The following DMD variants were observed in gnomAD, a reference collection of about 807,000 sequenced individuals.
DMD encodes dystrophin.
In DMD, 63 loss-of-function variants were observed where a neutral mutation model predicts 330.1. The ratio of observed to expected loss-of-function variants is 0.19; its 90% CI spans 0.16 to 0.24. DMD has a LOEUF of 0.24. Among genes scored for constraint, DMD ranks in the 10% least tolerant of loss-of-function variants. DMD has a pLI of 1.00. For synonymous variants in DMD, 1,223 were observed against 959.8 expected, an observed-to-expected ratio of 1.27 and a Z score of -5.07; for missense variants, 3,344 against 2,684.1, an observed-to-expected ratio of 1.25 and a Z score of -5.43.
chrX:32,279,007 C>T (rs1356450816), intron 43 of DMD, among the ~76,000 whole-genome samples: 1 of 111,492 alleles, frequency 9.0e-6, no homozygotes, highest in Non-Finnish European at 1.9e-5. Flanking sequence ...ACAAAAGATT[C>T]GAATAGGCAT....
At chrX:32,013,415 A>G (rs903284866) in intron 44 of DMD, among the ~76,000 whole-genome samples, 2 of 111,229 alleles carry the variant, frequency 1.8e-5, no homozygotes, top group Non-Finnish European at 1.9e-5. Flanking sequence ...ATAAATGCAA[A>G]TCGTACTTCA....
At chrX:31,727,645 G>T (rs1309386986) in intron 52 of DMD, among the ~76,000 whole-genome samples, 2 of 111,932 alleles carry the variant, frequency 1.8e-5, no homozygotes, top group African/African-American at 6.5e-5. Context: ...TGCTTATTTT[G>T]GACTGCACTA....
intron 11 of DMD, among the ~76,000 whole-genome samples, chrX:32,628,714 CG>C (rs1203005668): frequency 9.0e-6 from 1 of 110,564 alleles, no homozygotes; most frequent in East Asian, 2.8e-4. Context: ...GGTTACATTG[CG>C]TTTCCTTTTT....
At chrX:32,644,805 C>T (rs1484689766) in intron 10 of DMD, among the ~76,000 whole-genome samples, 159 bp downstream of exon 10, 1 of 111,728 alleles carries the variant, frequency 9.0e-6, no homozygotes, top group African/African-American at 3.3e-5. Flanking sequence ...GGTTGCTCTC[C>T]AAAAGAAAAC....
Position 31,123,596 on chromosome X carries a change from C to A in DMD, c.11047-1666G>T, listed in dbSNP as rs182461543. On this transcript the variant is annotated intron_variant, in intron 78 of 78. Transcript: ENST00000357033. ...CCTGTATCTATTTTTGGCTGTCCAG[C>A]AACCCTGGGAAATCTGCATAATTAT... Among the ~76,000 whole-genome samples the A allele has an allele frequency of 1.5e-3, 164 of 112,054 alleles. 1 individual carries two copies. Among genetic ancestry groups the A allele is most frequent in the African/African-American group, 4.7e-3 (144 of 30,846 alleles).
intron 63 of DMD, among the ~76,000 whole-genome samples, chrX:31,257,175 ATGG>A (rs2050046145): frequency 9.2e-6 from 1 of 108,549 alleles, no homozygotes; most frequent in Non-Finnish European, 1.9e-5. Context: ...AAATTAGAGA[ATGG>A]AAATCTCCTT....
At chrX:32,798,809 G>A (rs887447668) in intron 7 of DMD, among the ~76,000 whole-genome samples, 5 of 111,018 alleles carry the variant, frequency 4.5e-5, no homozygotes, top group African/African-American at 1.6e-4. Flanking sequence ...CAATCTAAAT[G>A]ATATAAAATT....
chrX:32,363,498 T>C (rs2097844439), intron 36 of DMD, among the ~76,000 whole-genome samples: 1 of 112,031 alleles, frequency 8.9e-6, no homozygotes, highest in African/African-American at 3.2e-5. Context: ...ACAGAGGTAC[T>C]GAGGAATGTT....
At chrX:32,837,019 A>C (rs889117557) in intron 4 of DMD, among the ~76,000 whole-genome samples, 7 of 111,334 alleles carry the variant, frequency 6.3e-5, no homozygotes, top group African/African-American at 2.3e-4. Flanking sequence ...CTTAGTCCCC[A>C]AATTAGCCAG....
At chrX:32,854,688 T>C (rs574820885) in intron 2 of DMD, among the ~76,000 whole-genome samples, 10 of 110,234 alleles carry the variant, frequency 9.1e-5, no homozygotes, top group South Asian at 3.8e-4. Context: ...CAACAAGTAA[T>C]GAGATCAAAG....
At position 31,634,011 on chromosome X, in the gene DMD, T is replaced by A. The variant is rs1042169124; in HGVS notation, c.8028-6149A>T. On this transcript the variant is annotated intron_variant, in intron 54 of 78. Transcript: ENST00000357033. ...TTGGAATACACTCCTCTCTGATATA[T>A]TCATTGTACTAAAAGAAAGAAAGGC... Among the ~76,000 whole-genome samples, 5 of 112,165 alleles carry A rather than the reference T, an allele frequency of 4.5e-5. No homozygotes were observed. The Admixed American group carries it at 4.7e-4, about 11-fold the overall frequency.
intron 2 of DMD, among the ~76,000 whole-genome samples, chrX:32,912,032 A>G (rs1410719145): frequency 2.2e-5 from 1 of 45,194 alleles, no homozygotes; most frequent in Non-Finnish European, 3.8e-5. Flanking sequence ...AGAGAAGGGG[A>G]GAGAGAGAGA....
chrX:33,172,894 G>T (rs1186702565), intron 1 of DMD, among the ~76,000 whole-genome samples: 1 of 111,061 alleles, frequency 9.0e-6, no homozygotes, highest in Non-Finnish European at 1.9e-5. Flanking sequence ...TGAGATACTT[G>T]CCATAAGGTG....
chrX:32,687,343 T>C (rs2062956937), intron 9 of DMD, among the ~76,000 whole-genome samples: 1 of 111,915 alleles, frequency 8.9e-6, no homozygotes, highest in South Asian at 3.7e-4. Flanking sequence ...TTAAGATGGA[T>C]ACAATATGTT....
At chrX:32,866,739 GGGT>G (rs2082530150) in intron 2 of DMD, among the ~76,000 whole-genome samples, 1 of 37,367 alleles carries the variant, frequency 2.7e-5, no homozygotes, top group Non-Finnish European at 5.2e-5. Context: ...GGGGGTGGGG[GGGT>G]GGGGGGGGGG....
intron 50 of DMD, among the ~76,000 whole-genome samples, chrX:31,781,737 T>G (rs2091021754): frequency 9.0e-6 from 1 of 111,660 alleles, no homozygotes; most frequent in Non-Finnish European, 1.9e-5. Flanking sequence ...GATAATTTTT[T>G]GTCGTGAGTG....
At chrX:32,209,950 C>G (rs779486350) in intron 44 of DMD, among the ~76,000 whole-genome samples, 1 of 111,508 alleles carries the variant, frequency 9.0e-6, no homozygotes, top group African/African-American at 3.3e-5. Flanking sequence ...AAGCCCCTCT[C>G]GGAATTTCTG....
chrX:31,739,587 C>T (rs2087142210), intron 51 of DMD, among the ~76,000 whole-genome samples: 1 of 109,086 alleles, frequency 9.2e-6, no homozygotes, highest in African/African-American at 3.3e-5. Flanking sequence ...GGGAGGGGAA[C>T]ATCACACACC....
At chrX:32,053,070 T>C (rs751705100) in intron 44 of DMD, among the ~76,000 whole-genome samples, 1 of 111,943 alleles carries the variant, frequency 8.9e-6, no homozygotes, top group South Asian at 3.7e-4. Flanking sequence ...GCTAGATTTA[T>C]CTTCCTAAAA....
Sources: allele counts gnomAD v4.1 joint callset (sites outside exome capture counted in the v4.1 genomes callset), GRCh38; gene constraint gnomAD v4.1.1; transcripts MANE v1.5; gene names NCBI Gene and HGNC (gene_info 2026-07-23, HGNC 2026-07-21).